The following LIPA variants were observed in gnomAD, a reference collection of about 807,000 sequenced individuals.
The protein encoded by LIPA is lipase A, lysosomal acid type, also known as lysosomal acid lipase/cholesteryl ester hydrolase.
In LIPA, 26 loss-of-function variants were observed where a neutral mutation model predicts 40.6. That is an observed-to-expected ratio of 0.64 (90% CI 0.47 to 0.89). The LOEUF (loss-of-function observed/expected upper bound fraction) is 0.89. Ranked by LOEUF, LIPA falls within the 40% of genes least tolerant of loss-of-function variation. LIPA has a pLI of 0.00. For missense variants in LIPA, 455 were observed against 479.6 expected, an observed-to-expected ratio of 0.95 and a Z score of 0.48; for synonymous variants, 188 against 168.4, an observed-to-expected ratio of 1.12 and a Z score of -0.90.
chr10:89,225,309 ACGCCC>A (rs1842755406), intron 5 of LIPA, 81 bp from the exon 6 acceptor site: 44 of 1,567,344 alleles, frequency 2.8e-5, no homozygotes, highest in Non-Finnish European at 3.8e-5. Context: ...GTCACTCGCG[ACGCCC>A]TCTCGCGGAG....
intron 1 of LIPA, chr10:89,314,660 CTG>C (rs1472544210): frequency 6.6e-6 from 1 of 152,082 alleles, no homozygotes; most frequent in Non-Finnish European, 1.5e-5. Flanking sequence ...GAGCGAGACT[CTG>C]TCAAAAAGAA....
intron 1 of LIPA, among the ~76,000 whole-genome samples, chr10:89,327,413 TGGTGGTG>T (rs1843610046): frequency 6.6e-6 from 1 of 151,868 alleles, no homozygotes; most frequent in Non-Finnish European, 1.5e-5. Context: ...TAGCCGGGCA[TGGTGGTG>T]GGTGCCTGTA....
At chr10:89,334,637 C>T (rs12259768) in intron 1 of LIPA, among the ~76,000 whole-genome samples, 9,302 of 151,160 alleles carry the variant, frequency 0.062, 694 homozygotes, top group African/African-American at 0.18. Context: ...GGATTACAGG[C>T]GCCTGCCACC....
chr10:89,287,163 C>A (rs1462851129), intron 1 of LIPA, among the ~76,000 whole-genome samples: 1 of 152,230 alleles, frequency 6.6e-6, no homozygotes, highest in Non-Finnish European at 1.5e-5. Context: ...GGCTTAGTGG[C>A]TGAAGACTGA....
intron 1 of LIPA, chr10:89,305,873 TAGG>T: frequency 1.1e-6 from 1 of 870,896 alleles, no homozygotes; most frequent in Non-Finnish European, 1.8e-6. Flanking sequence ...TAACAGCCTT[TAGG>T]AGGAGGAGCA....
intron 2 of LIPA, chr10:89,378,238 G>A: frequency 8.1e-7 from 1 of 1,240,040 alleles, no homozygotes; most frequent in Non-Finnish European, 1.2e-6. Flanking sequence ...TTCTCCTAAG[G>A]GAGCTGTCCC....
At chr10:89,410,656 G>A (rs1308615897) in intron 2 of LIPA, among the ~76,000 whole-genome samples, 1 of 152,376 alleles carries the variant, frequency 6.6e-6, no homozygotes, top group East Asian at 1.9e-4. Flanking sequence ...TATACAGAGA[G>A]CAACCATGCT....
At chr10:89,373,204 G>T (rs2133598320) in intron 2 of LIPA, among the ~76,000 whole-genome samples, 1 of 151,974 alleles carries the variant, frequency 6.6e-6, no homozygotes, top group African/African-American at 2.4e-5. Context: ...GCGTGGTGGT[G>T]GGTGCCTGTA....
At chr10:89,308,986 T>C (rs528506729) in intron 1 of LIPA, 1 of 152,240 alleles carries the variant, frequency 6.6e-6, no homozygotes, top group Non-Finnish European at 1.5e-5. Flanking sequence ...CAGCTACTGA[T>C]AAATGAAACG....
intron 1 of LIPA, among the ~76,000 whole-genome samples, chr10:89,267,925 A>T (rs549310859): frequency 6.6e-6 from 1 of 152,196 alleles, no homozygotes; most frequent in South Asian, 2.1e-4. Context: ...AGAATAATGG[A>T]AAGTGGAACT....
chr10:89,262,686 A>T (rs1275981419), intron 1 of LIPA, among the ~76,000 whole-genome samples: 1 of 152,212 alleles, frequency 6.6e-6, no homozygotes, highest in Non-Finnish European at 1.5e-5. Flanking sequence ...CCTCCAAACT[A>T]CTAAATCAGA....
chr10:89,225,302 ACTCGCGACGCCCT>A, intron 5 of LIPA, 74 bp from the exon 6 acceptor site: 1 of 1,577,456 alleles, frequency 6.3e-7, no homozygotes, highest in Non-Finnish European at 8.7e-7. Flanking sequence ...AAAGGCCGTC[ACTCGCGACGCCCT>A]CTCGCGGAGG....
chr10:89,407,490 G>T (rs1323208754), intron 2 of LIPA, among the ~76,000 whole-genome samples: 2 of 152,164 alleles, frequency 1.3e-5, no homozygotes, highest in Admixed American at 1.3e-4. Context: ...GGACTATCTG[G>T]AATTTTAGGA....
intron 1 of LIPA, among the ~76,000 whole-genome samples, chr10:89,413,781 AACC>A (rs1841500080): frequency 3.4e-5 from 5 of 148,334 alleles, no homozygotes; most frequent in Admixed American, 1.3e-4. Context: ...AAAAAAAAAA[AACC>A]AAAATCAATG....
At chr10:89,401,790 G>A (rs200623038) in intron 2 of LIPA, among the ~76,000 whole-genome samples, 3 of 146,698 alleles carry the variant, frequency 2.0e-5, no homozygotes, top group Non-Finnish European at 1.5e-5. Flanking sequence ...AAAAAAAAAT[G>A]AAAAAAAAAA....
At chr10:89,217,698 A>T (rs1842644798) in intron 8 of LIPA, among the ~76,000 whole-genome samples, 1 of 152,264 alleles carries the variant, frequency 6.6e-6, no homozygotes, top group African/African-American at 2.4e-5. Flanking sequence ...CCTGGAAATA[A>T]GCTAAAGCCC....
At chr10:89,384,334 A>G in intron 2 of LIPA, 1 of 1,614,224 alleles carries the variant, frequency 6.2e-7, no homozygotes, top group Non-Finnish European at 8.5e-7. Context: ...AACATTTGAG[A>G]TGGCCTATGT....
chr10:89,401,584 T>G (rs1844424195), intron 2 of LIPA, among the ~76,000 whole-genome samples: 2 of 152,218 alleles, frequency 1.3e-5, no homozygotes, highest in Non-Finnish European at 2.9e-5. Context: ...ATCAAAGTGG[T>G]GGTCTCATAG....
intron 8 of LIPA, among the ~76,000 whole-genome samples, chr10:89,219,717 T>C (rs141318141): frequency 6.6e-6 from 1 of 152,192 alleles, no homozygotes; most frequent in East Asian, 1.9e-4. Flanking sequence ...TCTTGGAGCC[T>C]GCAGCCTGCA....
Sources: gnomAD v4.1 joint callset for allele counts (sites outside exome capture counted in the v4.1 genomes callset) on GRCh38, gnomAD v4.1.1 for gene constraint, MANE v1.5 for transcripts, NCBI Gene and HGNC (gene_info 2026-07-23, HGNC 2026-07-21) for gene names.